NAALADL2: variants seen among roughly 807,000 people sequenced by gnomAD.
The protein encoded by NAALADL2 is inactive N-acetylated-alpha-linked acidic dipeptidase-like protein 2.
NAALADL2 carries 76 observed loss-of-function variants against 87.2 expected under a neutral mutation model. The observed-to-expected ratio is 0.87, with a 90% confidence interval of 0.72 to 1.05. NAALADL2 has a LOEUF of 1.05. Ranked by LOEUF, NAALADL2 falls within the 50% of genes least tolerant of loss-of-function variation. The pLI, the probability that NAALADL2 is intolerant of heterozygous loss-of-function variation, is 0.00. For synonymous variants in NAALADL2, 354 were observed against 331.0 expected (o/e 1.07, Z -0.75); for missense variants, 1,089 against 945.8 (o/e 1.15, Z -1.99).
At chr3:175,120,034 C>T (rs150265871) in intron 2 of NAALADL2, among the ~76,000 whole-genome samples, 15 of 145,772 alleles carry the variant, frequency 1.0e-4, no homozygotes, top group Non-Finnish European at 2.0e-4. Flanking sequence ...CATGCAAAAC[C>T]CATGGAAATG....
intron 11 of NAALADL2, among the ~76,000 whole-genome samples, chr3:175,701,083 C>T (rs1423039249): frequency 2.0e-5 from 3 of 152,228 alleles, no homozygotes; most frequent in Admixed American, 2.0e-4. Flanking sequence ...CACTCCCCAT[C>T]ACTTGCATTT....
At chr3:174,887,172 C>T (rs542634243) in intron 1 of NAALADL2, among the ~76,000 whole-genome samples, 5 of 152,010 alleles carry the variant, frequency 3.3e-5, no homozygotes, top group Admixed American at 2.6e-4. Flanking sequence ...TCATTGAAGT[C>T]TAGAAGTTTG....
chr3:175,324,184 T>C lies in NAALADL2; in HGVS notation c.949T>C (p.Leu317=). 6.2e-7 allele frequency: 1 copy of C among 1,612,932 alleles called. No homozygotes were observed. The highest frequency in any genetic ancestry group is 8.5e-7 in the Non-Finnish European group (1 of 1,179,424). ...TGCTTCCCTCTTTTAGCTTTCCTCA[T>C]TGGAAAAGGCTGGATTTGGAGGTGT... The part of the protein sequence containing the change: ...KLPLLYKLSS[L]EKAGFGGVLL... The change falls in exon 5 of 14, where the codon TTG becomes CTG. Residue 317 remains leucine (L), a synonymous_variant. Coordinates refer to ENST00000454872, the MANE Select transcript of NAALADL2 (RefSeq NM_207015.3).
At chr3:175,249,406 A>G (rs983025893) in intron 3 of NAALADL2, among the ~76,000 whole-genome samples, 1 of 152,180 alleles carries the variant, frequency 6.6e-6, no homozygotes, top group Admixed American at 6.5e-5. Context: ...TATTTATTAA[A>G]CAATTTGACA....
chr3:175,325,029 G>A (rs1760520785), intron 5 of NAALADL2, among the ~76,000 whole-genome samples: 2 of 152,136 alleles, frequency 1.3e-5, no homozygotes, highest in Admixed American at 6.5e-5. Flanking sequence ...ACCTGGCTGA[G>A]GAAAAAGCTC....
At chr3:174,470,853 T>C (rs890163724) in intron 1 of NAALADL2, among the ~76,000 whole-genome samples, 2 of 152,338 alleles carry the variant, frequency 1.3e-5, no homozygotes, top group South Asian at 2.1e-4. Context: ...AGTATTCTAC[T>C]GTATAGATGC....
intron 1 of NAALADL2, among the ~76,000 whole-genome samples, chr3:175,034,872 T>A (rs1470058778): frequency 6.6e-6 from 1 of 152,202 alleles, no homozygotes; most frequent in East Asian, 1.9e-4. Flanking sequence ...TTAGTTATAA[T>A]CATATGAATT....
intron 1 of NAALADL2, among the ~76,000 whole-genome samples, chr3:174,473,686 A>G (rs1016267985): frequency 6.6e-6 from 1 of 152,128 alleles, no homozygotes; most frequent in Non-Finnish European, 1.5e-5. Context: ...GGAGAGGAAG[A>G]GGAGAGAGAT....
At chr3:175,120,639 C>G (rs1471113985) in intron 2 of NAALADL2, among the ~76,000 whole-genome samples, 1 of 151,740 alleles carries the variant, frequency 6.6e-6, no homozygotes, top group Non-Finnish European at 1.5e-5. Context: ...AATAAAAAGT[C>G]TGTTATCTTC....
chr3:174,636,191 G>A (rs768382407), intron 2 of NAALADL2, among the ~76,000 whole-genome samples: 1 of 152,024 alleles, frequency 6.6e-6, no homozygotes, highest in Non-Finnish European at 1.5e-5. Flanking sequence ...ATCAACTCGA[G>A]ATGTATTAAG....
At chr3:175,445,273 T>C (rs1227032441) in intron 5 of NAALADL2, among the ~76,000 whole-genome samples, 2 of 152,222 alleles carry the variant, frequency 1.3e-5, no homozygotes, top group Admixed American at 6.5e-5. Flanking sequence ...TGTGTTATTA[T>C]AACTGTTTTA....
chr3:174,921,819 AAAG>A (rs1255271413), intron 1 of NAALADL2, among the ~76,000 whole-genome samples: 47 of 81,478 alleles, frequency 5.8e-4, no homozygotes, highest in African/African-American at 2.9e-3. Flanking sequence ...AAAAAAAAAA[AAAG>A]AAAAAGAAAA....
intron 2 of NAALADL2, among the ~76,000 whole-genome samples, chr3:174,565,107 T>G (rs920184095): frequency 3.9e-5 from 6 of 152,082 alleles, no homozygotes; most frequent in African/African-American, 1.4e-4. Flanking sequence ...TTTGCCCTAT[T>G]ATTAACATCT....
chr3:174,593,357 G>A (rs1717577494), intron 2 of NAALADL2, among the ~76,000 whole-genome samples: 1 of 152,126 alleles, frequency 6.6e-6, no homozygotes, highest in Non-Finnish European at 1.5e-5. Flanking sequence ...TGTTTTATGA[G>A]TTTTAGTTAA....
intron 5 of NAALADL2, among the ~76,000 whole-genome samples, chr3:175,333,396 C>A (rs1251267026): frequency 2.6e-5 from 4 of 151,978 alleles, no homozygotes; most frequent in Non-Finnish European, 4.4e-5. Context: ...GTGCTTCAGC[C>A]CCAGGTGGTG....
chr3:175,453,471 T>G (rs2149242713), intron 6 of NAALADL2, among the ~76,000 whole-genome samples: 1 of 152,274 alleles, frequency 6.6e-6, no homozygotes, highest in South Asian at 2.1e-4. Context: ...TAAGGTTCAG[T>G]GCAAGTGTTA....
intron 1 of NAALADL2, among the ~76,000 whole-genome samples, chr3:175,040,406 AGGACT>A (rs1213901534): frequency 6.6e-6 from 1 of 152,204 alleles, no homozygotes; most frequent in Admixed American, 6.6e-5. Flanking sequence ...TGTGTAAAAG[AGGACT>A]GGACCTGCAA....
chr3:175,199,848 ATATATATATATATATATTTTTTTTTTTTT>A (rs1172702092), intron 2 of NAALADL2, among the ~76,000 whole-genome samples: 22 of 16,936 alleles, frequency 1.3e-3, no homozygotes, highest in African/African-American at 4.7e-3. Context: ...ATATATATAT[ATATATATATATATATATTTTTTTTTTTTT>A]TTTTTTTTTT....
intron 10 of NAALADL2, among the ~76,000 whole-genome samples, chr3:175,620,302 C>A (rs981011953): frequency 6.6e-6 from 1 of 152,170 alleles, no homozygotes; most frequent in Non-Finnish European, 1.5e-5. Flanking sequence ...GGGATTCCGC[C>A]CCTGCCATGG....
Sources: allele counts gnomAD v4.1 joint callset (sites outside exome capture counted in the v4.1 genomes callset), GRCh38; gene constraint gnomAD v4.1.1; transcripts MANE v1.5; gene names NCBI Gene and HGNC (gene_info 2026-07-23, HGNC 2026-07-21).